Variants in HPSE2 observed in about 807,000 individuals in gnomAD.
HPSE2 encodes the protein inactive heparanase-2.
Under a neutral mutation model 60.5 loss-of-function variants are expected in HPSE2, and 38 were observed. The ratio of observed to expected loss-of-function variants is 0.63; its 90% CI spans 0.48 to 0.82. The LOEUF is 0.82. Ranked by LOEUF, HPSE2 falls within the 40% of genes least tolerant of loss-of-function variation. The pLI is 0.00. For synonymous variants in HPSE2, 295 were observed against 293.2 expected (o/e 1.01, Z -0.06); for missense variants, 713 against 740.4 (o/e 0.96, Z 0.43).
chr10:98,972,499 A>G (rs929312997), intron 3 of HPSE2, among the ~76,000 whole-genome samples: 1 of 152,048 alleles, frequency 6.6e-6, no homozygotes, highest in Non-Finnish European at 1.5e-5. Context: ...TTTTTCTTCT[A>G]TTAACTTTAT....
chr10:98,867,508 G>A (rs1265125588), intron 3 of HPSE2, among the ~76,000 whole-genome samples: 2 of 152,062 alleles, frequency 1.3e-5, no homozygotes, highest in African/African-American at 4.8e-5. Context: ...AAATGCTGAC[G>A]AGCATGTAGA....
At chr10:98,745,473 GA>G (rs1949607414) in intron 3 of HPSE2, among the ~76,000 whole-genome samples, 2 of 152,106 alleles carry the variant, frequency 1.3e-5, no homozygotes, top group Admixed American at 1.3e-4. Context: ...GGATTTTCAA[GA>G]CCATTTTCTT....
chr10:98,986,337 C>A (rs1956349182), intron 3 of HPSE2, among the ~76,000 whole-genome samples: 1 of 151,422 alleles, frequency 6.6e-6, no homozygotes, highest in South Asian at 2.1e-4. Context: ...GATTAAGAAA[C>A]TCACTCAAAA....
chr10:98,920,629 C>A (rs183851720), intron 3 of HPSE2, among the ~76,000 whole-genome samples: 1 of 152,132 alleles, frequency 6.6e-6, no homozygotes, highest in African/African-American at 2.4e-5. Context: ...AAAGACTTAC[C>A]CACCTCCCTT....
chr10:99,288,705 T>C, the HPSE2 span, among the ~76,000 whole-genome samples: 3 of 132,048 alleles, frequency 2.3e-5, no homozygotes, highest in Admixed American at 1.7e-4. Context: ...TCAATCCAGA[T>C]TGGAAAAAGA....
intron 9 of HPSE2, among the ~76,000 whole-genome samples, chr10:98,581,497 T>C (rs1209739925): frequency 6.6e-6 from 1 of 152,054 alleles, no homozygotes; most frequent in African/African-American, 2.4e-5. Flanking sequence ...TTAAATAATA[T>C]ATATATTTTT....
the HPSE2 span, among the ~76,000 whole-genome samples, chr10:99,300,030 A>AT: frequency 6.8e-6 from 1 of 147,528 alleles, no homozygotes; most frequent in Non-Finnish European, 1.5e-5. Flanking sequence ...GGGAGAGGCA[A>AT]AAAAAAAAAA....
chr10:98,615,114 A>G, intron 8 of HPSE2, 96 bp from the exon 9 acceptor site: 1 of 839,030 alleles, frequency 1.2e-6, no homozygotes, highest in Non-Finnish European at 2.1e-6. Flanking sequence ...ATATACACCA[A>G]TCTCCAGTCA....
chr10:98,485,975 C>A (rs1184218408), intron 10 of HPSE2, among the ~76,000 whole-genome samples: 2 of 152,172 alleles, frequency 1.3e-5, no homozygotes, highest in Non-Finnish European at 2.9e-5. Context: ...CTTTTTCAAG[C>A]TGTTTGGCAG....
chr10:99,169,504 C>CAAAAAAAAAAA (rs562946052), intron 2 of HPSE2, among the ~76,000 whole-genome samples: 9 of 54,734 alleles, frequency 1.6e-4, no homozygotes, highest in African/African-American at 1.8e-4. Context: ...GACTCCGTCT[C>CAAAAAAAAAAA]AAAAAAAAAA....
At chr10:98,694,413 T>C (rs561709228) in intron 5 of HPSE2, among the ~76,000 whole-genome samples, 1 of 152,220 alleles carries the variant, frequency 6.6e-6, no homozygotes, top group Non-Finnish European at 1.5e-5. Context: ...AGTTTATTTA[T>C]ACAAGTAAAA....
chr10:99,303,820 T>A, the HPSE2 span, among the ~76,000 whole-genome samples: 6 of 152,140 alleles, frequency 3.9e-5, no homozygotes, highest in African/African-American at 1.4e-4. Flanking sequence ...CCTCCTAGGA[T>A]GTTTGATCAC....
intron 6 of HPSE2, among the ~76,000 whole-genome samples, chr10:98,664,805 T>C (rs908397023): frequency 3.3e-5 from 5 of 152,164 alleles, no homozygotes; most frequent in Admixed American, 3.3e-4. Context: ...ACTATACTCA[T>C]CTTACGTCAC....
chr10:99,242,772 G>A, the HPSE2 span, among the ~76,000 whole-genome samples: 6 of 152,264 alleles, frequency 3.9e-5, no homozygotes, highest in African/African-American at 1.4e-4. Context: ...TATCCTTGCT[G>A]AGTCCCAATT....
chr10:99,298,309 T>C, the HPSE2 span, among the ~76,000 whole-genome samples: 1 of 152,212 alleles, frequency 6.6e-6, no homozygotes, highest in African/African-American at 2.4e-5. Flanking sequence ...GTAATCTACT[T>C]TTGTAACACC....
chr10:98,535,085 T>C (rs1409798932), intron 9 of HPSE2, among the ~76,000 whole-genome samples: 1 of 152,230 alleles, frequency 6.6e-6, no homozygotes, highest in Non-Finnish European at 1.5e-5. Flanking sequence ...AACAACTTCA[T>C]ACTATATTTT....
chr10:98,461,791 T>C, intron 11 of HPSE2: 2 of 1,594,912 alleles, frequency 1.3e-6, no homozygotes, highest in Middle Eastern at 1.7e-4. Flanking sequence ...TAGATTCAGA[T>C]GATCCCACAG....
chr10:99,242,189 T>A, the HPSE2 span, among the ~76,000 whole-genome samples: 1 of 152,172 alleles, frequency 6.6e-6, no homozygotes, highest in Non-Finnish European at 1.5e-5. Context: ...CAACACTTTC[T>A]CCATATGGAA....
chr10:98,470,943 A>C (rs1355725557), intron 11 of HPSE2, among the ~76,000 whole-genome samples: 1 of 152,242 alleles, frequency 6.6e-6, no homozygotes, highest in Admixed American at 6.5e-5. Context: ...ATTCCTAAAC[A>C]TCTTGGTTTA....
Sources: allele counts gnomAD v4.1 joint callset (sites outside exome capture counted in the v4.1 genomes callset), GRCh38; gene constraint gnomAD v4.1.1; transcripts MANE v1.5; gene names NCBI Gene and HGNC (gene_info 2026-07-23, HGNC 2026-07-21).